The following WDR35 variants were observed in gnomAD, a reference collection of about 807,000 sequenced individuals.
WDR35 encodes WD repeat-containing protein 35.
A neutral mutation model predicts 158.3 loss-of-function variants in WDR35; 118 were observed. The ratio of observed to expected loss-of-function variants is 0.75; its 90% CI spans 0.64 to 0.87. The LOEUF (loss-of-function observed/expected upper bound fraction) is 0.87, where lower values mean the gene tolerates loss of function less well. Among genes scored for constraint, WDR35 ranks in the 40% least tolerant of loss-of-function variants. WDR35 has a pLI of 0.00. For synonymous variants in WDR35, 448 were observed against 476.1 expected, an observed-to-expected ratio of 0.94 and a Z score of 0.77; for missense variants, 1,263 against 1,405.8, an observed-to-expected ratio of 0.90 and a Z score of 1.62.
chr2:19,949,365 G>A (rs1020758472), intron 13 of WDR35, among the ~76,000 whole-genome samples: 3 of 152,038 alleles, frequency 2.0e-5, no homozygotes, highest in Non-Finnish European at 4.4e-5. Context: ...GGGAGGGGAG[G>A]AACTATATGT....
intron 10 of WDR35, among the ~76,000 whole-genome samples, chr2:19,963,147 C>G (rs886232651): frequency 1.3e-5 from 2 of 152,176 alleles, no homozygotes; most frequent in Admixed American, 1.3e-4. Flanking sequence ...CCCTACCACA[C>G]AGGGGCACCT....
In WDR35 at chr2:19,934,493, T is replaced by C. The variant is rs1670631372; in HGVS notation, c.2547+978A>G. 6.6e-6 allele frequency among the ~76,000 whole-genome samples: 1 copy of C among 152,042 alleles called. No homozygotes were observed. The highest frequency in any genetic ancestry group is 2.1e-4 in the South Asian group (1 of 4,836). On this transcript the variant is annotated intron_variant, in intron 21 of 26. Coordinates refer to ENST00000281405, the MANE Select transcript of WDR35 (RefSeq NM_020779.4). The surrounding 1 kb of genome is among the most constrained non-coding windows in gnomAD (Gnocchi z 4.6). ...TCCCATATTATTAAAAATTCTTCTA[T>C]AACTCTATTTAAAATTTATAATACT...
At chr2:19,975,334 T>G (rs567177421) in intron 6 of WDR35, among the ~76,000 whole-genome samples, 196 bp downstream of exon 6, 1 of 152,284 alleles carries the variant, frequency 6.6e-6, no homozygotes, top group Non-Finnish European at 1.5e-5. Context: ...CTTGTTGCAC[T>G]AATTTGCCTT....
At chr2:19,921,266 C>G (rs920898239) in intron 25 of WDR35, among the ~76,000 whole-genome samples, 1 of 152,140 alleles carries the variant, frequency 6.6e-6, no homozygotes, top group Non-Finnish European at 1.5e-5. Context: ...GCCCGCATAG[C>G]CAACACAATC....
intron 6 of WDR35, 71 bp downstream of exon 6, chr2:19,975,459 A>G (rs1672173740): frequency 1.3e-6 from 2 of 1,499,910 alleles, no homozygotes; most frequent in Non-Finnish European, 1.8e-6. Context: ...AAATGTATAT[A>G]CAAACATGAA....
rs1004338658 is a variant in WDR35, at chr2:19,969,533, C to T, written c.955G>A (p.Ala319Thr). Residue 319 changes from alanine to threonine, a missense_variant, in exon 9 of 27, where the codon GCA (alanine) becomes ACA (threonine). Ala to Thr is a moderately conservative substitution (Grantham distance 58, BLOSUM62 0). Transcript: ENST00000281405. ...TATATAAAGGAATCAACAGCTAGTG[C>T]AATTTTCAGTCCACCTCCTTCCCAA... ...LSWEGGGLKI[A>T]LAVDSFIYFA... The T allele has an allele frequency of 1.9e-6, 3 of 1,613,690 alleles. No individual in the cohort carries two copies. In the African/African-American group the frequency reaches 4.0e-5, roughly 22 times the overall value.
rs1451842817 is a variant in WDR35, at chr2:19,912,811, G to A, written c.*747C>T. ...CTCAACAATACTTGTGTAAATAAAC[G>A]GTCCAACTTAGTGACAATGTTTCAA... On this transcript the variant is annotated 3_prime_UTR_variant, in exon 27 of 27. Coordinates refer to ENST00000281405, the MANE Select transcript of WDR35 (RefSeq NM_020779.4). 1 of 152,040 alleles carries A rather than the reference G, an allele frequency of 6.6e-6. No homozygotes were observed. Among genetic ancestry groups the A allele is most frequent in the African/African-American group, 2.4e-5 (1 of 41,404 alleles). 9.4% of individuals were successfully genotyped at this position (152,040 alleles called of 1,614,324 possible). A position where few individuals can be genotyped will look rare whatever the true frequency, so the allele number is the denominator to read the frequency against.
chr2:19,948,951 T>A (rs1388948031), intron 13 of WDR35, among the ~76,000 whole-genome samples: 1 of 150,860 alleles, frequency 6.6e-6, no homozygotes, highest in Non-Finnish European at 1.5e-5. Flanking sequence ...AGAGATAAGA[T>A]CCCTTATGGT....
rs919313301 is a variant in WDR35, at chr2:19,936,222, T to A, written c.2411A>T (p.Lys804Met). The change falls in exon 20 of 27, where the codon AAG becomes ATG. Residue 804 changes from lysine (K) to methionine (M), a missense_variant. Physicochemically the swap from Lys to Met is moderately conservative, Grantham distance 95 (BLOSUM62 -1). Coordinates refer to ENST00000281405, the MANE Select transcript of WDR35 (RefSeq NM_020779.4). The part of the protein sequence containing the change: ...AIGDYFADRQ[K>M]WLNAVQYYVQ... Reference sequence around the variant, plus strand: ...GAGCTCCAGGTAAGTTACATACCACTTTTGTCGATCAGCAAAGTAGTCTCC... The same window carrying A: ...GAGCTCCAGGTAAGTTACATACCACATTTGTCGATCAGCAAAGTAGTCTCC... 1.8e-5 allele frequency: 29 copies of A among 1,613,876 alleles called. No individual in the cohort carries two copies. Among genetic ancestry groups the A allele is most frequent in the Non-Finnish European group, 2.1e-5 (25 of 1,179,864 alleles).
chr2:19,920,757 G>C (rs1441565192), intron 25 of WDR35, among the ~76,000 whole-genome samples: 1 of 152,128 alleles, frequency 6.6e-6, no homozygotes, highest in East Asian at 1.9e-4. Flanking sequence ...AAGAAATAAA[G>C]GATATTCAAT....
intron 10 of WDR35, among the ~76,000 whole-genome samples, chr2:19,963,469 G>A (rs1671734984): frequency 1.3e-5 from 2 of 152,048 alleles, no homozygotes; most frequent in Non-Finnish European, 2.9e-5. Context: ...GCTCAAATAT[G>A]TCAGGTAGTC....
chr2:19,957,485 C>T (rs1265012774), intron 11 of WDR35, among the ~76,000 whole-genome samples: 1 of 151,910 alleles, frequency 6.6e-6, no homozygotes, highest in Non-Finnish European at 1.5e-5. Flanking sequence ...AAGATGAAGG[C>T]CCTCCATGCC....
intron 10 of WDR35, 106 bp from the exon 11 acceptor site, chr2:19,960,720 G>A: frequency 1.2e-6 from 1 of 842,706 alleles, no homozygotes; most frequent in Non-Finnish European, 1.9e-6. Context: ...ATTGCTAACT[G>A]GGAAATAACT....
chr2:19,956,489 T>C (rs911977158), intron 11 of WDR35, among the ~76,000 whole-genome samples: 3 of 152,170 alleles, frequency 2.0e-5, no homozygotes, highest in African/African-American at 7.2e-5. Context: ...TTACTGTAAG[T>C]TGAAAATAAT....
At chr2:19,927,893 T>G (rs187083041) in intron 25 of WDR35, among the ~76,000 whole-genome samples, 37 of 152,338 alleles carry the variant, frequency 2.4e-4, no homozygotes, top group African/African-American at 8.9e-4. Context: ...GTGTTGTTTG[T>G]CTTTCTATAG....
rs530661834 is a variant in WDR35 at position 19,917,040 on chromosome 2, C to T, written c.3122-2763G>A. ...AGGTGCCCCTCTGGGACAAAGCTTC[C>T]AAAGGAACAGGCAGCAACCTTTGCT... is the stretch of plus-strand genomic sequence containing the variant. On this transcript the variant is annotated intron_variant, in intron 25 of 26. Transcript: ENST00000281405. Among the ~76,000 whole-genome samples, 3 of 152,294 alleles carry T rather than the reference C, an allele frequency of 2.0e-5. No homozygotes were observed. In the South Asian group the frequency reaches 6.2e-4, roughly 32 times the overall value.
chr2:19,946,073 C>T (rs147893618), intron 15 of WDR35, 77 bp from the exon 16 acceptor site: 2 of 1,416,984 alleles, frequency 1.4e-6, no homozygotes, highest in African/African-American at 2.9e-5. Context: ...TTACCTATAG[C>T]CATTCTTCTT....
intron 6 of WDR35, 74 bp from the exon 7 acceptor site, chr2:19,974,707 A>G: frequency 7.2e-7 from 1 of 1,398,508 alleles, no homozygotes; most frequent in South Asian, 1.3e-5. Flanking sequence ...TCAATAGAGT[A>G]TTGTAGAAAG....
At chr2:19,981,745 C>T (rs1479021726) in intron 3 of WDR35, among the ~76,000 whole-genome samples, 3 of 151,948 alleles carry the variant, frequency 2.0e-5, no homozygotes, top group Non-Finnish European at 2.9e-5. Context: ...TTCCAAAATC[C>T]CAGCCTCATG....
Sources: gnomAD v4.1 joint callset for allele counts (sites outside exome capture counted in the v4.1 genomes callset) on GRCh38, gnomAD v4.1.1 for gene constraint, Gnocchi (gnomAD v3.1) non-coding constraint, MANE v1.5 for transcripts, NCBI Gene and HGNC (gene_info 2026-07-23, HGNC 2026-07-21) for gene names.